The following RIN3 variants were observed in gnomAD, a reference collection of about 807,000 sequenced individuals.
RIN3 encodes Ras and Rab interactor 3.
In RIN3, 54 loss-of-function variants were observed where a neutral mutation model predicts 76.3. The ratio of observed to expected loss-of-function variants is 0.71; its 90% CI spans 0.57 to 0.89. The LOEUF (loss-of-function observed/expected upper bound fraction) is 0.89. Ranked by LOEUF, RIN3 falls within the 40% of genes least tolerant of loss-of-function variation. The probability of loss-of-function intolerance (pLI) is 0.00; values close to 1 mark genes in which losing one functional copy is unlikely to be tolerated. For synonymous variants in RIN3, 576 were observed against 564.0 expected, an observed-to-expected ratio of 1.02 and a Z score of -0.30; for missense variants, 1,256 against 1,322.1, an observed-to-expected ratio of 0.95 and a Z score of 0.78.
At chr14:92,615,121 A>G (rs928465852) in intron 3 of RIN3, among the ~76,000 whole-genome samples, 16 of 152,086 alleles carry the variant, frequency 1.1e-4, no homozygotes, top group African/African-American at 3.9e-4. Context: ...GATTACAAGC[A>G]TGAGCCACTG....
chr14:92,583,574 A>G (rs1884638696), intron 3 of RIN3, among the ~76,000 whole-genome samples: 1 of 152,262 alleles, frequency 6.6e-6, no homozygotes, highest in South Asian at 2.1e-4. Context: ...AAGATGAAAA[A>G]TAACAACACA....
At chr14:92,588,029 G>T (rs1884838386) in intron 3 of RIN3, among the ~76,000 whole-genome samples, 1 of 152,030 alleles carries the variant, frequency 6.6e-6, no homozygotes, top group African/African-American at 2.4e-5. Context: ...CTTGGCCAAA[G>T]GCAGAAGGGC....
Position 92,681,299 on chromosome 14 carries a change from CAG to C in RIN3, c.2468-3679_2468-3678del, listed in dbSNP as rs1251813518. Among the ~76,000 whole-genome samples, 3 of 151,168 alleles carry C rather than the reference CAG, an allele frequency of 2.0e-5. No homozygotes were observed. Among genetic ancestry groups the C allele is most frequent in the Non-Finnish European group, 2.9e-5 (2 of 67,890 alleles). The stretch of plus-strand genomic sequence containing the variant: ...GCCCCAAGTCAAAGAGGAAGGCTGG[CAG>C]AGAGAGAGGCCTCACGAAGAAGTCA... On this transcript the variant is annotated intron_variant, in intron 8 of 9. Coordinates refer to ENST00000216487, the MANE Select transcript of RIN3 (RefSeq NM_024832.5). The surrounding 1 kb of genome is among the most constrained non-coding windows in gnomAD (Gnocchi z 4.7).
intron 1 of RIN3, among the ~76,000 whole-genome samples, chr14:92,527,639 C>G (rs1156770566): frequency 6.6e-6 from 1 of 151,290 alleles, no homozygotes; most frequent in African/African-American, 2.5e-5. Context: ...CCATCACCCT[C>G]CAAAAGCCCC....
At chr14:92,530,497 GT>G (rs1459698215) in intron 1 of RIN3, among the ~76,000 whole-genome samples, 2 of 152,190 alleles carry the variant, frequency 1.3e-5, no homozygotes, top group Non-Finnish European at 2.9e-5. Flanking sequence ...TCAGGGTCGA[GT>G]TTTTGTTGTT....
At chr14:92,545,031 C>T (rs1897225121) in intron 1 of RIN3, among the ~76,000 whole-genome samples, 1 of 149,816 alleles carries the variant, frequency 6.7e-6, no homozygotes, top group South Asian at 2.1e-4. Flanking sequence ...CCGTAATTTG[C>T]TTATTTCACT....
Position 92,687,914 on chromosome 14 carries a change from G to A in RIN3, c.2632-12G>A. ...GCCCCGCCGTGACCACAGGCCCCTC[G>A]CGTCTCCGCAGGACTTCATCTGCGT... On this transcript the variant is annotated splice_polypyrimidine_tract_variant and intron_variant, in intron 9 of 9. Coordinates refer to ENST00000216487, the MANE Select transcript of RIN3 (RefSeq NM_024832.5). 1 of 1,532,808 alleles carries A rather than the reference G, an allele frequency of 6.5e-7. No individual in the cohort carries two copies. The highest frequency in any genetic ancestry group is 8.8e-7 in the Non-Finnish European group (1 of 1,140,942). 95.0% of individuals were successfully genotyped at this position (1,532,808 alleles called of 1,614,324 possible).
At chr14:92,553,612 CCTT>C (rs1460198977) in intron 1 of RIN3, among the ~76,000 whole-genome samples, 2 of 152,156 alleles carry the variant, frequency 1.3e-5, no homozygotes, top group African/African-American at 4.8e-5. Context: ...TGACCTGGCT[CCTT>C]CTTCTAGGTA....
chr14:92,618,766 C>T (rs1886062657), intron 4 of RIN3, among the ~76,000 whole-genome samples: 1 of 152,138 alleles, frequency 6.6e-6, no homozygotes, highest in African/African-American at 2.4e-5. Context: ...TAAACAATTT[C>T]AGTAATTTGT....
intron 3 of RIN3, among the ~76,000 whole-genome samples, chr14:92,592,967 C>G (rs1885037646): frequency 6.6e-6 from 1 of 152,036 alleles, no homozygotes; most frequent in African/African-American, 2.4e-5. Flanking sequence ...AGCCACCATA[C>G]CCAGCCAAAA....
At position 92,534,600 on chromosome 14, in the gene RIN3, CAAAAA is replaced by C. The variant is rs1323554210; in HGVS notation, c.44+20625_44+20629del. ...GAGACTCCATCTCAAAAAAAAAAAA[CAAAAA>C]GAAAGAAAGAAAGAAAGTATATGGA... On this transcript the variant is annotated intron_variant, in intron 1 of 9. Transcript: ENST00000216487. Among the ~76,000 whole-genome samples, 31 of 134,420 alleles carry C rather than the reference CAAAAA, an allele frequency of 2.3e-4. 1 individual carries two copies. In the East Asian group the frequency reaches 5.8e-3, roughly 25 times the overall value. The allele number at this position is 134,420 out of a possible 152,430, so 88.2% of individuals were successfully genotyped here. A position where few individuals can be genotyped will look rare whatever the true frequency, so the allele number is the denominator to read the frequency against.
intron 1 of RIN3, among the ~76,000 whole-genome samples, chr14:92,549,734 C>T (rs67641625): frequency 0.28 from 42,533 of 152,116 alleles, 6,560 homozygotes; most frequent in Middle Eastern, 0.4. Flanking sequence ...GCTGGCACTG[C>T]GTCTGGCAGG....
chr14:92,577,834 C>G (rs954981428), intron 3 of RIN3, among the ~76,000 whole-genome samples: 5 of 152,230 alleles, frequency 3.3e-5, no homozygotes, highest in Admixed American at 3.3e-4. Context: ...ACACTCAATC[C>G]ATGATTGCAG....
At chr14:92,611,427 A>C (rs1451139369) in intron 3 of RIN3, among the ~76,000 whole-genome samples, 1 of 151,856 alleles carries the variant, frequency 6.6e-6, no homozygotes, top group Non-Finnish European at 1.5e-5. Flanking sequence ...CTCCTGGCTA[A>C]TTTTTTTTAT....
rs146397152 is a variant in RIN3, at chr14:92,643,964, C to T, written c.532+2635C>T. 0.018 allele frequency among the ~76,000 whole-genome samples: 2,738 copies of T among 152,232 alleles called. 42 individuals are homozygous for T. Among genetic ancestry groups the T allele is most frequent in the Non-Finnish European group, 0.027 (1,819 of 67,998 alleles). ...AAATTAGAAGATCAAGTTTTAGCTC[C>T]GCTGGGAACCTTGTGTAAAGTGCCC... On this transcript the variant is annotated intron_variant, in intron 5 of 9. Transcript: ENST00000216487. The surrounding 1 kb of genome is among the most constrained non-coding windows in gnomAD (Gnocchi z 4.8).
At chr14:92,647,868 C>A (rs547667243) in intron 5 of RIN3, among the ~76,000 whole-genome samples, 16 of 152,256 alleles carry the variant, frequency 1.1e-4, no homozygotes, top group African/African-American at 3.8e-4. Flanking sequence ...CAACGCTCAA[C>A]AGGCCTTGGG....
At chr14:92,665,394 T>C (rs1284934477) in intron 7 of RIN3, among the ~76,000 whole-genome samples, 2 of 112,684 alleles carry the variant, frequency 1.8e-5, no homozygotes, top group African/African-American at 7.1e-5. Flanking sequence ...TTTTTTTTTT[T>C]TTGAGACAGA....
intron 3 of RIN3, among the ~76,000 whole-genome samples, chr14:92,608,368 ATTTAT>A (rs1156244402): frequency 6.6e-6 from 1 of 152,206 alleles, no homozygotes; most frequent in Admixed American, 6.5e-5. Context: ...GAATACAGTT[ATTTAT>A]TTTATTAATG....
chr14:92,593,161 A>G (rs764940282), intron 3 of RIN3, among the ~76,000 whole-genome samples: 2 of 152,192 alleles, frequency 1.3e-5, no homozygotes, highest in African/African-American at 2.4e-5. Flanking sequence ...AAAAAAAATA[A>G]TTTAAAAAGA....
Sources: gnomAD v4.1 joint callset for allele counts (sites outside exome capture counted in the v4.1 genomes callset) on GRCh38, gnomAD v4.1.1 for gene constraint, Gnocchi (gnomAD v3.1) non-coding constraint, MANE v1.5 for transcripts, NCBI Gene and HGNC (gene_info 2026-07-23, HGNC 2026-07-21) for gene names.